The following LRRK2 variants were observed in gnomAD, a reference collection of about 807,000 sequenced individuals.
LRRK2 encodes the protein leucine-rich repeat serine/threonine-protein kinase 2.
Under a neutral mutation model 302.6 loss-of-function variants are expected in LRRK2, and 203 were observed. That is an observed-to-expected ratio of 0.67 (90% CI 0.60 to 0.75). The LOEUF (loss-of-function observed/expected upper bound fraction) is 0.75, where lower values mean the gene tolerates loss of function less well. Ranked by LOEUF, LRRK2 falls within the 30% of genes least tolerant of loss-of-function variation. The pLI, the probability that LRRK2 is intolerant of heterozygous loss-of-function variation, is 0.00. For synonymous variants in LRRK2, 1,066 were observed against 1,031.9 expected (o/e 1.03, Z -0.63); for missense variants, 2,830 against 2,951.0 (o/e 0.96, Z 0.95).
intron 44 of LRRK2, among the ~76,000 whole-genome samples, chr12:40,352,481 A>T (rs371168899): frequency 7.6e-3 from 165 of 21,668 alleles, no homozygotes; most frequent in Non-Finnish European, 0.017. Context: ...TTTTTTTTTA[A>T]TTGATCATTC....
chr12:40,229,061 A>G (rs1171080225), intron 2 of LRRK2, among the ~76,000 whole-genome samples: 2 of 152,230 alleles, frequency 1.3e-5, no homozygotes. Context: ...TACTGTGGCC[A>G]TGCTAGGTAC....
intron 14 of LRRK2, among the ~76,000 whole-genome samples, chr12:40,272,057 A>G (rs1309968097): frequency 6.6e-6 from 1 of 152,164 alleles, no homozygotes; most frequent in Non-Finnish European, 1.5e-5. Flanking sequence ...AGAAGTGGAT[A>G]TGTAATTTTC....
intron 13 of LRRK2, 83 bp from the exon 14 acceptor site, chr12:40,263,706 G>T: frequency 2.1e-6 from 2 of 972,586 alleles, no homozygotes; most frequent in South Asian, 2.8e-5. Flanking sequence ...GATTAATTAT[G>T]ACAATTTCTA....
chr12:40,262,326 T>C (rs1208177496), intron 13 of LRRK2, among the ~76,000 whole-genome samples: 1 of 151,920 alleles, frequency 6.6e-6, no homozygotes, highest in East Asian at 1.9e-4. Context: ...ATGAGGCAGA[T>C]ATTATTATTA....
chr12:40,348,378 T>C lies in LRRK2; in HGVS notation c.6281-31T>C, dbSNP rs201915688. ...AATATAACCATTCTTACTTATTTAG[T>C]ATGCTAGCATGATGTTTTTTAATGT... On this transcript the variant is annotated intron_variant, in intron 42 of 50. Transcript: ENST00000298910. 8.4e-6 allele frequency: 12 copies of C among 1,422,180 alleles called. No homozygotes were observed. The South Asian group carries it at 1.4e-4, about 16-fold the overall frequency. 88.1% of individuals were successfully genotyped at this position (1,422,180 alleles called of 1,614,324 possible).
chr12:40,255,130 G>A (rs1049706182), intron 11 of LRRK2, among the ~76,000 whole-genome samples: 4 of 152,086 alleles, frequency 2.6e-5, no homozygotes, highest in Non-Finnish European at 4.4e-5. Flanking sequence ...TAGGCACTTG[G>A]GATGCATTCA....
intron 40 of LRRK2, among the ~76,000 whole-genome samples, chr12:40,339,353 T>C (rs569323750): frequency 6.6e-6 from 1 of 152,236 alleles, no homozygotes; most frequent in Non-Finnish European, 1.5e-5. Context: ...GAAGACAGAG[T>C]TGGAAATCAG....
chr12:40,260,027 A>G (rs1179076412), intron 13 of LRRK2, among the ~76,000 whole-genome samples: 1 of 152,082 alleles, frequency 6.6e-6, no homozygotes. Flanking sequence ...TCTTTCTCCA[A>G]TGTGGCTTGT....
Position 40,367,058 on chromosome 12 carries a change from A to G in LRRK2, c.7443A>G (p.Glu2481=). 1 of 1,609,446 alleles carries G rather than the reference A, an allele frequency of 6.2e-7. No individual in the cohort carries two copies. Among genetic ancestry groups the G allele is most frequent in the Non-Finnish European group, 8.5e-7 (1 of 1,176,762 alleles). The part of the protein sequence containing the change: ...LVLGYNRKNT[E]GTQKQKEIQS... ...TGGGCTACAACCGGAAAAATACTGA[A>G]GGTACACAAAAGCAGAAAGGTAACA... Residue 2481 remains glutamate (E), a synonymous_variant, in exon 50 of 51, where the codon GAA becomes GAG. Transcript: ENST00000298910.
chr12:40,345,654 G>A (rs1001691559), intron 41 of LRRK2, among the ~76,000 whole-genome samples: 75 of 129,884 alleles, frequency 5.8e-4, no homozygotes, highest in African/African-American at 1.3e-3. Context: ...AAGAAAGAAA[G>A]AGTAGTACAA....
rs111528417 is a variant in LRRK2 at position 40,334,599 on chromosome 12, G to A, written c.5758-368G>A. 5.2e-3 allele frequency among the ~76,000 whole-genome samples: 797 copies of A among 152,188 alleles called. 11 individuals are homozygous for A. The highest frequency in any genetic ancestry group is 0.018 in the African/African-American group (748 of 41,532). On this transcript the variant is annotated intron_variant, in intron 39 of 50. Transcript: ENST00000298910. ...ATGAAGAGAAATATATTTAATCTTC[G>A]TTAAGTAGAAGTGGATCATTATAAA...
intron 7 of LRRK2, 112 bp from the exon 8 acceptor site, chr12:40,249,714 G>C: frequency 8.2e-7 from 1 of 1,215,476 alleles, no homozygotes; most frequent in Non-Finnish European, 1.2e-6. Context: ...ATGTTTTAAT[G>C]CCATTGAATA....
chr12:40,228,566 A>G (rs1324372611), intron 2 of LRRK2, among the ~76,000 whole-genome samples: 2 of 150,044 alleles, frequency 1.3e-5, no homozygotes, highest in Non-Finnish European at 3.0e-5. Flanking sequence ...CACTTTGTTA[A>G]TTATTTTCTT....
At chr12:40,306,249 TTGGTCTC>T (rs951475041) in intron 28 of LRRK2, among the ~76,000 whole-genome samples, 4 of 152,292 alleles carry the variant, frequency 2.6e-5, no homozygotes, top group Non-Finnish European at 5.9e-5. Flanking sequence ...GTATTGCTAT[TTGGTCTC>T]TGGTTACCAA....
At chr12:40,240,028 A>C (rs1260057369) in intron 5 of LRRK2, among the ~76,000 whole-genome samples, 1 of 152,164 alleles carries the variant, frequency 6.6e-6, no homozygotes, top group East Asian at 1.9e-4. Flanking sequence ...TCAAAGTCTG[A>C]TTACTTGCCA....
At chr12:40,245,222 A>G (rs1941925945) in intron 7 of LRRK2, among the ~76,000 whole-genome samples, 1 of 151,870 alleles carries the variant, frequency 6.6e-6, no homozygotes, top group South Asian at 2.1e-4. Context: ...AAACTGTTGC[A>G]GTTTGTTTTT....
At chr12:40,317,051 C>T (rs1378792774) in intron 33 of LRRK2, among the ~76,000 whole-genome samples, 1 of 151,960 alleles carries the variant, frequency 6.6e-6, no homozygotes, top group Middle Eastern at 3.2e-3. Flanking sequence ...AGGTTTGCAT[C>T]AGAACTCCCC....
rs935728357 is a variant in LRRK2 at position 40,275,107 on chromosome 12, T to G, written c.1941+114T>G. 881 of 1,166,896 alleles carry G rather than the reference T, an allele frequency of 7.5e-4. 10 individuals carry two copies. Among genetic ancestry groups the G allele is most frequent in the Non-Finnish European group, 1.2e-4 (93 of 784,902 alleles). 72.3% of individuals were successfully genotyped at this position (1,166,896 alleles called of 1,614,324 possible). The stretch of plus-strand genomic sequence containing the variant: ...GGTATTCTAGTTAATGGAAAACCAT[T>G]TATCCTTTTGTAGTATTTTAATTAT... On this transcript the variant is annotated intron_variant, in intron 16 of 50. Transcript: ENST00000298910.
chr12:40,283,948 G>A lies in LRRK2; in HGVS notation c.2315G>A (p.Arg772Gln). ...LNSGSREQDV[R>Q]KALTISIGKG... ...AGTGGATCTCGTGAACAAGATGTAC[G>A]AAAAGCGTTGACGATAAGCATTGGG... Residue 772 changes from arginine to glutamine, a missense_variant, in exon 19 of 51, where the codon CGA becomes CAA. Coordinates refer to ENST00000298910, the MANE Select transcript of LRRK2 (RefSeq NM_198578.4). The A allele has an allele frequency of 2.5e-6, 4 of 1,613,844 alleles. No individual in the cohort carries two copies. Among genetic ancestry groups the A allele is most frequent in the East Asian group, 2.2e-5 (1 of 44,862 alleles).
Sources: allele counts gnomAD v4.1 joint callset (sites outside exome capture counted in the v4.1 genomes callset), GRCh38; gene constraint gnomAD v4.1.1; transcripts MANE v1.5; gene names NCBI Gene and HGNC (gene_info 2026-07-23, HGNC 2026-07-21).